Variants in TUSC3 observed in about 807,000 individuals in gnomAD.
TUSC3 encodes dolichyl-diphosphooligosaccharide--protein glycosyltransferase subunit TUSC3.
Under a neutral mutation model 44.8 loss-of-function variants are expected in TUSC3, and 45 were observed. That is an observed-to-expected ratio of 1.00 (90% CI 0.79 to 1.29). The LOEUF is 1.29. Ranked by LOEUF, TUSC3 falls within the 50% of genes most tolerant of loss-of-function variation. The probability of loss-of-function intolerance (pLI) is 0.00; values close to 1 mark genes in which losing one functional copy is unlikely to be tolerated. For missense variants in TUSC3, 519 were observed against 437.9 expected, an observed-to-expected ratio of 1.19 and a Z score of -1.65; for synonymous variants, 212 against 152.9, an observed-to-expected ratio of 1.39 and a Z score of -2.85.
intron 10 of TUSC3, among the ~76,000 whole-genome samples, chr8:15,763,041 T>C (rs1812219310): frequency 6.6e-6 from 1 of 152,082 alleles, no homozygotes; most frequent in Non-Finnish European, 1.5e-5. Context: ...CAGAAACAGC[T>C]AACAAGAGTA....
rs539112031 is a variant in TUSC3 at position 15,562,262 on chromosome 8, G to T, written c.138+21694G>T. Among the ~76,000 whole-genome samples the T allele has an allele frequency of 4.6e-5, 7 of 152,114 alleles. No individual in the cohort carries two copies. In the South Asian group the frequency reaches 1.5e-3, roughly 32 times the overall value. ...GTTTTCTTCTGAGATGTTATCATTCGTGGATGGTATATAAGATATCCTGTT... is the reference window on the plus strand; with the variant it reads ...GTTTTCTTCTGAGATGTTATCATTCTTGGATGGTATATAAGATATCCTGTT... On this transcript the variant is annotated intron_variant, in intron 1 of 10. Transcript: ENST00000503731.
chr8:15,741,269 G>C (rs1407863222), intron 7 of TUSC3, among the ~76,000 whole-genome samples: 1 of 152,106 alleles, frequency 6.6e-6, no homozygotes, highest in Non-Finnish European at 1.5e-5. Flanking sequence ...ATTTTCCCCA[G>C]TAATAGAAAT....
chr8:15,814,734 C>T, the TUSC3 span, among the ~76,000 whole-genome samples: 12 of 152,218 alleles, frequency 7.9e-5, no homozygotes, highest in South Asian at 2.5e-3. Flanking sequence ...GACCTGTGGA[C>T]TTAGAGATTT....
intron 1 of TUSC3, among the ~76,000 whole-genome samples, chr8:15,549,603 C>G (rs1349971655): frequency 6.6e-6 from 1 of 151,456 alleles, no homozygotes; most frequent in African/African-American, 2.4e-5. Context: ...TAATAATATT[C>G]TTTTGGTTAA....
intron 2 of TUSC3, among the ~76,000 whole-genome samples, chr8:15,523,584 C>A (rs968889923): frequency 6.7e-6 from 1 of 148,936 alleles, no homozygotes; most frequent in Non-Finnish European, 1.5e-5. Context: ...AAATGCCTTG[C>A]CGACTTTCCA....
chr8:15,725,784 G>T (rs1014203624), intron 6 of TUSC3, among the ~76,000 whole-genome samples: 4 of 152,116 alleles, frequency 2.6e-5, no homozygotes, highest in Non-Finnish European at 2.9e-5. Flanking sequence ...ATGAAACCCA[G>T]GACAGAGAAT....
At chr8:15,569,495 A>C (rs1404511258) in intron 1 of TUSC3, among the ~76,000 whole-genome samples, 1 of 152,186 alleles carries the variant, frequency 6.6e-6, no homozygotes, top group Non-Finnish European at 1.5e-5. Flanking sequence ...TTATCCTGAC[A>C]TCTGGATCTG....
downstream of TUSC3, among the ~76,000 whole-genome samples, chr8:15,768,249 A>T: frequency 6.6e-6 from 1 of 152,188 alleles, no homozygotes; most frequent in East Asian, 1.9e-4. Context: ...CACAGACAAC[A>T]TGTGACAGTT....
the TUSC3 span, among the ~76,000 whole-genome samples, chr8:15,785,548 G>C: frequency 6.6e-6 from 1 of 151,724 alleles, no homozygotes; most frequent in African/African-American, 2.4e-5. Context: ...TCTCAGGACA[G>C]GGGGGAGTTG....
chr8:15,644,436 G>C (rs1339162616), intron 2 of TUSC3, among the ~76,000 whole-genome samples: 1 of 152,160 alleles, frequency 6.6e-6, no homozygotes, highest in Admixed American at 6.5e-5. Context: ...TTAAGTGCTT[G>C]GAGTATTTGT....
chr8:15,687,419 A>G (rs4590441), intron 6 of TUSC3, among the ~76,000 whole-genome samples: 131,457 of 152,236 alleles, frequency 0.86, 56,942 homozygotes, highest in Non-Finnish European at 0.88. Flanking sequence ...GTGACACTGC[A>G]TCTGATGTCT....
At chr8:15,486,341 A>G (rs1198961554) in intron 2 of TUSC3, among the ~76,000 whole-genome samples, 4 of 152,150 alleles carry the variant, frequency 2.6e-5, no homozygotes, top group African/African-American at 9.7e-5. Flanking sequence ...TGGTAACTGA[A>G]ATTTGTGCAT....
At chr8:15,692,796 G>C (rs1471947565) in intron 6 of TUSC3, among the ~76,000 whole-genome samples, 1 of 151,944 alleles carries the variant, frequency 6.6e-6, no homozygotes, top group Non-Finnish European at 1.5e-5. Context: ...CTATTGGACT[G>C]TGTGGTTATG....
At chr8:15,658,344 A>C (rs890937193) in intron 3 of TUSC3, among the ~76,000 whole-genome samples, 1 of 152,094 alleles carries the variant, frequency 6.6e-6, no homozygotes, top group Non-Finnish European at 1.5e-5. Context: ...TCTTGTAAAT[A>C]ATGACTGCTG....
chr8:15,704,417 G>A (rs188164954), intron 6 of TUSC3, among the ~76,000 whole-genome samples: 3 of 151,882 alleles, frequency 2.0e-5, no homozygotes, highest in Non-Finnish European at 4.4e-5. Flanking sequence ...TGTAAACTCT[G>A]TTAGGGACCT....
At chr8:15,438,127 A>G (rs944362625) in intron 1 of TUSC3, among the ~76,000 whole-genome samples, 2 of 151,692 alleles carry the variant, frequency 1.3e-5, no homozygotes, top group African/African-American at 2.4e-5. Context: ...ACGGAGTTTC[A>G]CTCGTTACCC....
chr8:15,434,877 A>G (rs1799926031), intron 1 of TUSC3, among the ~76,000 whole-genome samples: 1 of 151,940 alleles, frequency 6.6e-6, no homozygotes. Context: ...ATCATTTTTT[A>G]TGGCTGCATA....
chr8:15,430,921 C>G (rs1480367027), intron 1 of TUSC3, among the ~76,000 whole-genome samples: 1 of 151,594 alleles, frequency 6.6e-6, no homozygotes, highest in African/African-American at 2.4e-5. Context: ...CTGTCCTTTC[C>G]CCATTGTAAT....
chr8:15,466,022 G>C (rs537070211), intron 1 of TUSC3, among the ~76,000 whole-genome samples: 36 of 152,166 alleles, frequency 2.4e-4, no homozygotes, highest in South Asian at 1.9e-3. Context: ...TTTGTCTGAG[G>C]GAACTTCCGA....
Sources: allele counts gnomAD v4.1 joint callset (sites outside exome capture counted in the v4.1 genomes callset), GRCh38; gene constraint gnomAD v4.1.1; transcripts MANE v1.5; gene names NCBI Gene and HGNC (gene_info 2026-07-23, HGNC 2026-07-21).